The following YAP1 variants were observed in gnomAD, a reference collection of about 807,000 sequenced individuals.
The protein encoded by YAP1 is Yes1 associated transcriptional regulator, also known as transcriptional coactivator YAP1.
Under a neutral mutation model 56.9 loss-of-function variants are expected in YAP1, and 5 were observed. The ratio of observed to expected loss-of-function variants is 0.09; its 90% confidence interval spans 0.05 to 0.18. The LOEUF is 0.18. Ranked by LOEUF, YAP1 falls within the 10% of genes least tolerant of loss-of-function variation. YAP1 has a pLI of 1.00. For synonymous variants in YAP1, 265 were observed against 248.1 expected (o/e 1.07, Z -0.64); for missense variants, 539 against 651.8 (o/e 0.83, Z 1.88).
chr11:102,185,568 A>G (rs1170191428), intron 3 of YAP1, among the ~76,000 whole-genome samples: 3 of 152,202 alleles, frequency 2.0e-5, no homozygotes, highest in African/African-American at 4.8e-5. Flanking sequence ...AATGTGCTTT[A>G]TATTAAATAG....
At chr11:102,112,502 G>A (rs1943015379) in intron 1 of YAP1, 3 of 979,940 alleles carry the variant, frequency 3.1e-6, no homozygotes, top group Non-Finnish European at 3.6e-6. Flanking sequence ...AAGTTAATAG[G>A]TTTTCCAAAT....
At chr11:102,114,759 G>A (rs1176973347) in intron 2 of YAP1, among the ~76,000 whole-genome samples, 4 of 152,156 alleles carry the variant, frequency 2.6e-5, no homozygotes, top group Non-Finnish European at 5.9e-5. Flanking sequence ...AGGGCTAGCA[G>A]CGTCTTACAA....
At chr11:102,223,529 C>A in intron 6 of YAP1, 93 bp from the exon 7 acceptor site, 1 of 1,361,030 alleles carries the variant, frequency 7.3e-7, no homozygotes, top group South Asian at 1.4e-5. Context: ...AATCTATCTG[C>A]ACGGTTACTC....
At position 102,232,325 on chromosome 11, in the gene YAP1, A is replaced by G. The variant is rs1950461266; in HGVS notation, c.*2385A>G. On this transcript the variant is annotated 3_prime_UTR_variant, in exon 9 of 9. Coordinates refer to ENST00000282441, the MANE Select transcript of YAP1 (RefSeq NM_001130145.3). ...TAGGGGGACCTTGATAGAGAACTTT[A>G]TAAACTTCTTTCTCTTTAATAAAGA... The G allele has an allele frequency of 6.6e-6, 1 of 151,824 alleles. No individual in the cohort carries two copies. Among genetic ancestry groups the G allele is most frequent in the Non-Finnish European group, 1.5e-5 (1 of 67,962 alleles). The allele number at this position is 151,824 out of a possible 1,614,324, so 9.4% of individuals were successfully genotyped here.
Position 102,214,450 on chromosome 11 carries a change from A to G in YAP1, c.1032+4886A>G, listed in dbSNP as rs189143339. Among the ~76,000 whole-genome samples the G allele has an allele frequency of 1.5e-3, 223 of 152,298 alleles. 1 individual carries two copies. The highest frequency in any genetic ancestry group is 2.2e-3 in the Non-Finnish European group (148 of 68,024). The stretch of plus-strand genomic sequence containing the variant: ...AGTTGTAGTTAATGAGAACAAAATA[A>G]TACCATTGTTCAGAGCTATATGAAA... On this transcript the variant is annotated intron_variant, in intron 6 of 8. Transcript: ENST00000282441.
At chr11:102,143,872 C>T (rs2135305429) in intron 2 of YAP1, among the ~76,000 whole-genome samples, 1 of 152,310 alleles carries the variant, frequency 6.6e-6, no homozygotes, top group South Asian at 2.1e-4. Flanking sequence ...GTCATAACCT[C>T]CTTAATGGAA....
In YAP1 at chr11:102,205,822, A is replaced by G. The variant is rs1456534520; in HGVS notation, c.803-71A>G. On this transcript the variant is annotated intron_variant, in intron 4 of 8. Transcript: ENST00000282441. ...ATCGAATATCCCAAATTGCTTTTGA[A>G]TAATTAAATCATCATTTTATCTTCC... 2.9e-6 allele frequency: 4 copies of G among 1,400,708 alleles called. No individual in the cohort carries two copies. The Admixed American group carries it at 8.5e-5, about 30-fold the overall frequency. 86.8% of individuals were successfully genotyped at this position (1,400,708 alleles called of 1,614,324 possible). A position where few individuals can be genotyped will look rare whatever the true frequency, so the allele number is the denominator to read the frequency against.
At chr11:102,212,233 G>A (rs758299640) in intron 6 of YAP1, among the ~76,000 whole-genome samples, 9 of 152,108 alleles carry the variant, frequency 5.9e-5, no homozygotes, top group South Asian at 2.1e-4. Context: ...TTTTCTAATC[G>A]TATACCTCAT....
intron 3 of YAP1, among the ~76,000 whole-genome samples, chr11:102,175,274 C>A (rs1488012376): frequency 1.3e-5 from 2 of 152,074 alleles, no homozygotes; most frequent in African/African-American, 4.8e-5. Flanking sequence ...GTGGTACACC[C>A]CTGTAATCCC....
chr11:102,137,488 T>C (rs1944739464), intron 2 of YAP1, among the ~76,000 whole-genome samples: 1 of 152,200 alleles, frequency 6.6e-6, no homozygotes, highest in South Asian at 2.1e-4. Context: ...AGGTGATGGG[T>C]ATATGAATGT....
In YAP1 at chr11:102,112,630, A is replaced by G. The variant is rs1398874640; in HGVS notation, c.321+1461A>G. On this transcript the variant is annotated intron_variant, in intron 1 of 8. Transcript: ENST00000282441. ...TTGTATAGTCTCCTGTCGGAGACCA[A>G]AGGGTTTTGGAACTCAGAAAAAATC... is the stretch of plus-strand genomic sequence containing the variant. 3 of 985,034 alleles carry G rather than the reference A, an allele frequency of 3.0e-6. No homozygotes were observed. The African/African-American group carries it at 5.3e-5, about 17-fold the overall frequency. The allele number at this position is 985,034 out of a possible 1,614,324, so 61.0% of individuals were successfully genotyped here.
chr11:102,223,488 G>A, intron 6 of YAP1, 134 bp from the exon 7 acceptor site: 1 of 940,780 alleles, frequency 1.1e-6, no homozygotes, highest in East Asian at 2.7e-5. Flanking sequence ...TTCTGATTGG[G>A]AAATGTATTA....
At chr11:102,228,176 C>T (rs1462624406) in intron 8 of YAP1, among the ~76,000 whole-genome samples, 1 of 152,116 alleles carries the variant, frequency 6.6e-6, no homozygotes, top group East Asian at 1.9e-4. Flanking sequence ...GTTAGAACAT[C>T]TCTCTCCTTA....
At chr11:102,129,475 G>C (rs1944243387) in intron 2 of YAP1, among the ~76,000 whole-genome samples, 1 of 151,900 alleles carries the variant, frequency 6.6e-6, no homozygotes, top group South Asian at 2.1e-4. Flanking sequence ...AAAATTAGCT[G>C]TGCATGATGG....
intron 4 of YAP1, among the ~76,000 whole-genome samples, chr11:102,191,352 C>A (rs1948270973): frequency 6.6e-6 from 1 of 151,774 alleles, no homozygotes. Context: ...CCTCGGACCA[C>A]CAACACTTTT....
chr11:102,227,742 T>G (rs1950261577), intron 8 of YAP1, among the ~76,000 whole-genome samples, 161 bp downstream of exon 8: 1 of 152,190 alleles, frequency 6.6e-6, no homozygotes. Context: ...TACGGTGATT[T>G]GTAACTTGTC....
At chr11:102,145,706 G>T (rs535038179) in intron 2 of YAP1, among the ~76,000 whole-genome samples, 224 of 152,312 alleles carry the variant, frequency 1.5e-3, no homozygotes, top group African/African-American at 5.3e-3. Flanking sequence ...AGTTTGAACT[G>T]TTCAAAATCA....
At chr11:102,199,217 T>C (rs997732071) in intron 4 of YAP1, among the ~76,000 whole-genome samples, 1 of 152,298 alleles carries the variant, frequency 6.6e-6, no homozygotes, top group Admixed American at 6.5e-5. Context: ...GATGTCAGTA[T>C]TGATGGTACG....
intron 5 of YAP1, among the ~76,000 whole-genome samples, chr11:102,206,352 A>G (rs1247555943): frequency 6.6e-6 from 1 of 152,180 alleles, no homozygotes; most frequent in Non-Finnish European, 1.5e-5. Flanking sequence ...GGAAGCAAGG[A>G]TGCTTTCTCT....
Sources: allele counts gnomAD v4.1 joint callset (sites outside exome capture counted in the v4.1 genomes callset), GRCh38; gene constraint gnomAD v4.1.1; transcripts MANE v1.5; gene names NCBI Gene and HGNC (gene_info 2026-07-23, HGNC 2026-07-21).